The following ZNF100 variants were observed in gnomAD, a reference collection of about 807,000 sequenced individuals.
ZNF100 encodes zinc finger protein 100 (Y1).
In ZNF100, 12 loss-of-function variants were observed where a neutral mutation model predicts 15.8. The ratio of observed to expected loss-of-function variants is 0.76; its 90% CI spans 0.49 to 1.23. The LOEUF is 1.23. Ranked by LOEUF, ZNF100 falls within the 50% of genes most tolerant of loss-of-function variation. The pLI is 0.00. For synonymous variants in ZNF100, 226 were observed against 214.8 expected (o/e 1.05, Z -0.45); for missense variants, 670 against 635.6 (o/e 1.05, Z -0.58).
At position 21,723,734 on chromosome 19, in the gene ZNF100, A is replaced by G. The variant is rs1447054275; in HGVS notation, c.*2949T>C. On this transcript the variant is annotated 3_prime_UTR_variant, in exon 5 of 5. Coordinates refer to ENST00000358296, the MANE Select transcript of ZNF100 (RefSeq NM_173531.4). ...TGGCTTACTATGGAGCATCTGTTACACAGCAAGAACTGTCATGTATGTTTG... is the reference window on the plus strand; with the variant it reads ...TGGCTTACTATGGAGCATCTGTTACGCAGCAAGAACTGTCATGTATGTTTG... The G allele has an allele frequency of 2.0e-5, 3 of 152,224 alleles. No individual in the cohort carries two copies. Among genetic ancestry groups the G allele is most frequent in the Non-Finnish European group, 2.9e-5 (2 of 68,044 alleles). 9.4% of individuals were successfully genotyped at this position (152,224 alleles called of 1,614,324 possible).
At chr19:21,757,705 A>G (rs1380248873) in intron 2 of ZNF100, among the ~76,000 whole-genome samples, 4 of 152,216 alleles carry the variant, frequency 2.6e-5, no homozygotes, top group African/African-American at 9.6e-5. Flanking sequence ...GACATGGAAT[A>G]AACCTAAATG....
intron 2 of ZNF100, among the ~76,000 whole-genome samples, chr19:21,755,667 G>A (rs529412002): frequency 5.3e-5 from 8 of 152,010 alleles, no homozygotes; most frequent in Non-Finnish European, 1.2e-4. Context: ...CAATAACAAA[G>A]ACATGGAGCC....
intron 4 of ZNF100, among the ~76,000 whole-genome samples, chr19:21,739,376 T>C (rs1238717783): frequency 6.6e-6 from 1 of 152,056 alleles, no homozygotes; most frequent in Admixed American, 6.6e-5. Flanking sequence ...AGTAACATAG[T>C]GAGAGCCTGT....
intron 4 of ZNF100, among the ~76,000 whole-genome samples, chr19:21,742,505 A>T (rs1370946480): frequency 6.6e-6 from 1 of 151,610 alleles, no homozygotes; most frequent in East Asian, 1.9e-4. Context: ...AAAAAACAAA[A>T]AACAAAAAAC....
In ZNF100 at chr19:21,723,501, T is replaced by A. The variant is rs1458712017; in HGVS notation, c.*3182A>T. 2 of 151,778 alleles carry A rather than the reference T, an allele frequency of 1.3e-5. No individual in the cohort carries two copies. The highest frequency in any genetic ancestry group is 2.4e-5 in the African/African-American group (1 of 41,278). The allele number at this position is 151,778 out of a possible 1,614,324, so 9.4% of individuals were successfully genotyped here. A position where few individuals can be genotyped will look rare whatever the true frequency, so the allele number is the denominator to read the frequency against. ...AAGGAGATGGGCTGTGCTGCATACA[T>A]AGCTGGGGATACACATAATAAATAC... On this transcript the variant is annotated 3_prime_UTR_variant, in exon 5 of 5. Coordinates refer to ENST00000358296, the MANE Select transcript of ZNF100 (RefSeq NM_173531.4).
At position 21,727,401 on chromosome 19, in the gene ZNF100, A is replaced by C; in HGVS notation, c.911T>G (p.Leu304Arg). The C allele has an allele frequency of 2.5e-6, 4 of 1,612,898 alleles. No homozygotes were observed. Among genetic ancestry groups the C allele is most frequent in the Non-Finnish European group, 3.4e-6 (4 of 1,179,706 alleles). The change falls in exon 5 of 5, where the codon CTT becomes CGT. Residue 304 changes from leucine (L) to arginine (R), a missense_variant. Physicochemically the swap from Leu to Arg is moderately radical, Grantham distance 102. Coordinates refer to ENST00000358296, the MANE Select transcript of ZNF100 (RefSeq NM_173531.4). ...AGTATGAATTCTTTTATGTGTAGTA[A>C]GGTGTGAAGACCGGTTAAAAGCTTT... ...CGKAFNRSSH[L>R]TTHKRIHTGV...
chr19:21,754,575 G>A (rs2036362572), intron 2 of ZNF100, among the ~76,000 whole-genome samples: 1 of 152,082 alleles, frequency 6.6e-6, no homozygotes, highest in Admixed American at 6.6e-5. Context: ...GGGGAAACTG[G>A]CTAGCCATAT....
chr19:21,736,164 T>C (rs960635924), intron 4 of ZNF100, among the ~76,000 whole-genome samples: 1 of 152,110 alleles, frequency 6.6e-6, no homozygotes, highest in African/African-American at 2.4e-5. Context: ...CTTGGCTCAC[T>C]GCAACCTTCA....
In ZNF100 at chr19:21,762,818, G is replaced by T. The variant is rs570118603; in HGVS notation, c.96+2876C>A. The stretch of plus-strand genomic sequence containing the variant: ...TGAGATCTACTGGCCTGCATTCCCA[G>T]ATAGTTAACCATTCTAAGTCACAGG... On this transcript the variant is annotated intron_variant, in intron 2 of 4. Transcript: ENST00000358296. Among the ~76,000 whole-genome samples, 45 of 152,292 alleles carry T rather than the reference G, an allele frequency of 3.0e-4. 1 individual carries two copies. The highest frequency in any genetic ancestry group is 1.0e-3 in the African/African-American group (42 of 41,564).
At chr19:21,733,197 A>C (rs1364619081) in intron 4 of ZNF100, among the ~76,000 whole-genome samples, 1 of 152,202 alleles carries the variant, frequency 6.6e-6, no homozygotes, top group Non-Finnish European at 1.5e-5. Flanking sequence ...TTACTATCAT[A>C]ATGATGCACA....
At chr19:21,728,082 G>T in intron 4 of ZNF100, 93 bp from the exon 5 acceptor site, 2 of 1,197,070 alleles carry the variant, frequency 1.7e-6, no homozygotes, top group Non-Finnish European at 2.2e-6. Flanking sequence ...TAAATAAGAT[G>T]GCATAGGAAA....
chr19:21,728,848 TACTC>T (rs538746552), intron 4 of ZNF100, among the ~76,000 whole-genome samples: 352 of 151,984 alleles, frequency 2.3e-3, no homozygotes, highest in African/African-American at 7.8e-3. Context: ...AATTGAATAA[TACTC>T]AGTGAGTGAA....
chr19:21,747,179 G>C (rs542599213), intron 2 of ZNF100, among the ~76,000 whole-genome samples: 1 of 152,246 alleles, frequency 6.6e-6, no homozygotes, highest in South Asian at 2.1e-4. Flanking sequence ...AACCCAAACA[G>C]AACAGGTATC....
At chr19:21,744,336 G>C (rs982297922) in intron 3 of ZNF100, among the ~76,000 whole-genome samples, 20 of 152,180 alleles carry the variant, frequency 1.3e-4, no homozygotes, top group African/African-American at 4.1e-4. Context: ...GTGATGAATG[G>C]ATTTTAAAAT....
chr19:21,765,845 A>C, intron 1 of ZNF100, 59 bp from the exon 2 acceptor site: 2 of 1,520,484 alleles, frequency 1.3e-6, no homozygotes, highest in Non-Finnish European at 1.8e-6. Flanking sequence ...TGACAGAACC[A>C]TGGCGGATAT....
intron 2 of ZNF100, among the ~76,000 whole-genome samples, chr19:21,755,742 C>T (rs2036383421): frequency 6.6e-6 from 1 of 152,150 alleles, no homozygotes; most frequent in South Asian, 2.1e-4. Flanking sequence ...CCATGGAATA[C>T]TATGCAGCCA....
rs2035726349 is a variant in ZNF100 at position 21,723,934 on chromosome 19, T to C, written c.*2749A>G. On this transcript the variant is annotated 3_prime_UTR_variant, in exon 5 of 5. Coordinates refer to ENST00000358296, the MANE Select transcript of ZNF100 (RefSeq NM_173531.4). The stretch of plus-strand genomic sequence containing the variant: ...AACAAAATGAAGTGTTCTAACTAAA[T>C]AAAATGTAACTTAATACACTAATTG... 1 of 152,174 alleles carries C rather than the reference T, an allele frequency of 6.6e-6. No homozygotes were observed. Among genetic ancestry groups the C allele is most frequent in the South Asian group, 2.1e-4 (1 of 4,838 alleles). The allele number at this position is 152,174 out of a possible 1,614,324, so 9.4% of individuals were successfully genotyped here. A position where few individuals can be genotyped will look rare whatever the true frequency, so the allele number is the denominator to read the frequency against.
At chr19:21,759,104 T>C (rs1436131702) in intron 2 of ZNF100, among the ~76,000 whole-genome samples, 1 of 152,126 alleles carries the variant, frequency 6.6e-6, no homozygotes, top group Non-Finnish European at 1.5e-5. Context: ...ATTGCCCTCT[T>C]TGCAGTTGCC....
chr19:21,725,522 T>G lies in ZNF100; in HGVS notation c.*1161A>C, dbSNP rs1203218095. 6.6e-6 allele frequency: 1 copy of G among 152,168 alleles called. No homozygotes were observed. The highest frequency in any genetic ancestry group is 2.1e-4 in the South Asian group (1 of 4,834). 9.4% of individuals were successfully genotyped at this position (152,168 alleles called of 1,614,324 possible). On this transcript the variant is annotated 3_prime_UTR_variant, in exon 5 of 5. Transcript: ENST00000358296. ...ATCTCATATTTTAATGTCTTTTTCATAGCAAAGTTTATAAATAATGCTCAC... is the reference window on the plus strand; with the variant it reads ...ATCTCATATTTTAATGTCTTTTTCAGAGCAAAGTTTATAAATAATGCTCAC...
Sources: allele counts gnomAD v4.1 joint callset (sites outside exome capture counted in the v4.1 genomes callset), GRCh38; gene constraint gnomAD v4.1.1; transcripts MANE v1.5; gene names NCBI Gene and HGNC (gene_info 2026-07-23, HGNC 2026-07-21).